Variants in R3HDM1 observed in about 807,000 individuals in gnomAD.
The protein encoded by R3HDM1 is R3H domain containing 1, also known as R3H domain-containing protein 1.
In R3HDM1, 46 loss-of-function variants were observed where a neutral mutation model predicts 141.1. That is an observed-to-expected ratio of 0.33 (90% CI 0.26 to 0.42). The LOEUF is 0.42. R3HDM1 is among the 10% of genes least tolerant of loss of function. The probability of loss-of-function intolerance (pLI) is 1.00; values close to 1 mark genes in which losing one functional copy is unlikely to be tolerated. For synonymous variants in R3HDM1, 435 were observed against 472.9 expected (o/e 0.92, Z 1.04); for missense variants, 1,184 against 1,368.3 (o/e 0.87, Z 2.12).
At chr2:135,540,424 A>T (rs1362231475) in intron 1 of R3HDM1, among the ~76,000 whole-genome samples, 1 of 152,190 alleles carries the variant, frequency 6.6e-6, no homozygotes, top group Non-Finnish European at 1.5e-5. Flanking sequence ...CCTCCCATGA[A>T]TCACAAATAT....
intron 3 of R3HDM1, chr2:135,607,324 T>G: frequency 1.0e-6 from 1 of 985,382 alleles, no homozygotes; most frequent in Non-Finnish European, 1.2e-6. Context: ...ATTCTTTTGT[T>G]CAGTCAAAAA....
intron 21 of R3HDM1, among the ~76,000 whole-genome samples, chr2:135,705,977 A>C (rs886352163): frequency 1.8e-4 from 28 of 152,122 alleles, no homozygotes; most frequent in African/African-American, 6.7e-4. Context: ...AAAATACAAA[A>C]AATTAGCCGG....
Position 135,631,882 on chromosome 2 carries a change from C to T in R3HDM1, c.579C>T (p.Pro193=), listed in dbSNP as rs761247098. The T allele has an allele frequency of 1.9e-6, 3 of 1,610,246 alleles. No individual in the cohort carries two copies. The Admixed American group carries it at 5.0e-5, about 27-fold the overall frequency. Reference sequence around the variant, plus strand: ...CTAGGTCTCCACGTAAAAAATTCCCCCCAATGACATCTTACCATAGGATGC... The same window carrying T: ...CTAGGTCTCCACGTAAAAAATTCCCTCCAATGACATCTTACCATAGGATGC... ...GNNESPRKKF[P]PMTSYHRMLL... The change falls in exon 9 of 27, where the codon CCC becomes CCT. Residue 193 remains proline (P), a synonymous_variant. Coordinates refer to ENST00000683871, the MANE Select transcript of R3HDM1 (RefSeq NM_001378107.1).
intron 19 of R3HDM1, among the ~76,000 whole-genome samples, chr2:135,674,806 T>C (rs1374386374): frequency 6.6e-6 from 1 of 152,058 alleles, no homozygotes; most frequent in African/African-American, 2.4e-5. Flanking sequence ...CAAAAGTGGC[T>C]CTCTCCCCTG....
rs147519491 is a variant in R3HDM1, at chr2:135,651,807, C to A, written c.1803C>A (p.Ala601=). ...CTGCTGATGGTTCTGACCCTCATGCCGCCATGTTCCAGTCCACTGTGGTTC... is the reference window on the plus strand; with the variant it reads ...CTGCTGATGGTTCTGACCCTCATGCAGCCATGTTCCAGTCCACTGTGGTTC... The part of the protein sequence containing the change: ...QPSADGSDPH[A]AMFQSTVVLQ... Residue 601 remains alanine (A), a synonymous_variant, in exon 18 of 27, where the codon GCC becomes GCA. Coordinates refer to ENST00000683871, the MANE Select transcript of R3HDM1 (RefSeq NM_001378107.1). 1 of 1,613,966 alleles carries A rather than the reference C, an allele frequency of 6.2e-7. No individual in the cohort carries two copies. Among genetic ancestry groups the A allele is most frequent in the East Asian group, 2.2e-5 (1 of 44,892 alleles).
intron 1 of R3HDM1, among the ~76,000 whole-genome samples, chr2:135,535,839 G>A (rs1293483027): frequency 6.6e-6 from 1 of 152,114 alleles, no homozygotes; most frequent in Non-Finnish European, 1.5e-5. Context: ...TTGGCTGAGG[G>A]ATGAAATAGA....
At chr2:135,710,262 A>T (rs754717107) in intron 23 of R3HDM1, 31 bp downstream of exon 23, 1 of 1,584,506 alleles carries the variant, frequency 6.3e-7, no homozygotes, top group African/African-American at 1.3e-5. Context: ...ATCATTTTGA[A>T]ACGTTACATT....
chr2:135,602,038 G>C (rs13419221), intron 1 of R3HDM1, among the ~76,000 whole-genome samples: 11,575 of 126,284 alleles, frequency 0.092, 1,463 homozygotes, highest in African/African-American at 0.3. Flanking sequence ...TGTTATTTTT[G>C]TTTTATTTTT....
At chr2:135,581,157 G>A (rs890748242) in intron 1 of R3HDM1, 24 of 982,032 alleles carry the variant, frequency 2.4e-5, no homozygotes, top group African/African-American at 7.0e-5. Context: ...GCCTCTTGGG[G>A]AAATCTAAGC....
In R3HDM1 at chr2:135,724,305, G is replaced by T. The variant is rs370066532; in HGVS notation, c.*13G>T. On this transcript the variant is annotated 3_prime_UTR_variant, in exon 27 of 27. Transcript: ENST00000683871. ...AAGTTCTCAGTAACAGCCACCTTTG[G>T]ACCCTTCGCCTTTATGGTTCCCCTG... 3.4e-5 allele frequency: 54 copies of T among 1,567,680 alleles called. No homozygotes were observed. The African/African-American group carries it at 6.6e-4, about 19-fold the overall frequency.
In R3HDM1 at chr2:135,722,567, G is replaced by T. The variant is rs763236741; in HGVS notation, c.3049+14G>T. On this transcript the variant is annotated intron_variant, in intron 26 of 26. Coordinates refer to ENST00000683871, the MANE Select transcript of R3HDM1 (RefSeq NM_001378107.1). ...CAGGAGAAACAGGTATGTCTCTGAG[G>T]GGCAACTAGATGTGGGTCTGCAAAC... The T allele has an allele frequency of 6.2e-7, 1 of 1,609,008 alleles. No individual in the cohort carries two copies. The highest frequency in any genetic ancestry group is 1.7e-5 in the Admixed American group (1 of 59,114).
chr2:135,573,677 C>G (rs531552896), intron 1 of R3HDM1, among the ~76,000 whole-genome samples: 3 of 151,920 alleles, frequency 2.0e-5, no homozygotes, highest in Non-Finnish European at 2.9e-5. Context: ...AGGAGAAGCA[C>G]CCTTTGGCAG....
intron 7 of R3HDM1, among the ~76,000 whole-genome samples, chr2:135,628,084 GT>G (rs1200875816): frequency 6.6e-6 from 1 of 152,124 alleles, no homozygotes; most frequent in African/African-American, 2.4e-5. Context: ...CTTTTAGATG[GT>G]TTTGGCTCAC....
chr2:135,662,533 A>G (rs1245941747), intron 19 of R3HDM1, among the ~76,000 whole-genome samples: 3 of 152,136 alleles, frequency 2.0e-5, no homozygotes, highest in African/African-American at 7.2e-5. Context: ...TCCCCTTTTT[A>G]GTATGTTACT....
At chr2:135,531,777 C>G (rs889472966) in intron 1 of R3HDM1, 144 bp downstream of exon 1, 2 of 985,710 alleles carry the variant, frequency 2.0e-6, no homozygotes, top group Non-Finnish European at 2.4e-6. Flanking sequence ...GCCTTCCCCG[C>G]CGGGTCGTCG....
At chr2:135,536,267 G>A (rs1182103951) in intron 1 of R3HDM1, among the ~76,000 whole-genome samples, 2 of 152,132 alleles carry the variant, frequency 1.3e-5, no homozygotes, top group African/African-American at 2.4e-5. Context: ...ATGCTCCCAA[G>A]TAACTACGAC....
intron 1 of R3HDM1, among the ~76,000 whole-genome samples, chr2:135,547,806 C>T (rs1319754856): frequency 1.6e-5 from 2 of 126,956 alleles, no homozygotes; most frequent in East Asian, 2.3e-4. Flanking sequence ...CAGAGTCTTG[C>T]TCTGTCGCCC....
At chr2:135,587,075 T>C in intron 1 of R3HDM1, 1 of 772,940 alleles carries the variant, frequency 1.3e-6, no homozygotes, top group African/African-American at 1.9e-5. Context: ...GTCATTGCTA[T>C]GATTAACATA....
chr2:135,571,512 G>A (rs1202623098), intron 1 of R3HDM1, among the ~76,000 whole-genome samples: 1 of 151,766 alleles, frequency 6.6e-6, no homozygotes, highest in Non-Finnish European at 1.5e-5. Flanking sequence ...TTTTAGTAGA[G>A]ACCAGGTTTC....
Sources: allele counts gnomAD v4.1 joint callset (sites outside exome capture counted in the v4.1 genomes callset), GRCh38; gene constraint gnomAD v4.1.1; transcripts MANE v1.5; gene names NCBI Gene and HGNC (gene_info 2026-07-23, HGNC 2026-07-21).